Variants in INTS15 observed in about 807,000 individuals in gnomAD.
INTS15 encodes uncharacterized protein C7orf26.
chr7:6,595,112 G>A, the INTS15 span, among the ~76,000 whole-genome samples: 2 of 151,960 alleles, frequency 1.3e-5, no homozygotes, highest in Non-Finnish European at 2.9e-5. Flanking sequence ...GCTCACTGCA[G>A]TCTCTGCCCC....
chr7:6,596,887 G>T, the INTS15 span, among the ~76,000 whole-genome samples: 1 of 151,594 alleles, frequency 6.6e-6, no homozygotes, highest in African/African-American at 2.4e-5. Context: ...AGATTCAAGC[G>T]ATTCTCCTGC....
the INTS15 span, among the ~76,000 whole-genome samples, chr7:6,593,162 A>G: frequency 3.3e-5 from 5 of 152,172 alleles, no homozygotes; most frequent in South Asian, 6.2e-4. Context: ...GAGATAGTGA[A>G]CTGTCTTCGG....
chr7:6,591,772 G>A, the INTS15 span: 5 of 1,614,106 alleles, frequency 3.1e-6, no homozygotes, highest in Non-Finnish European at 3.4e-6. Context: ...GAACAAAGCC[G>A]ATGACAGCCG....
chr7:6,593,556 G>A, the INTS15 span, among the ~76,000 whole-genome samples: 15 of 151,486 alleles, frequency 9.9e-5, no homozygotes, highest in Non-Finnish European at 1.8e-4. Context: ...GGATGGTCTC[G>A]ATCTCCTGAC....
chr7:6,600,282 T>G, the INTS15 span: 1 of 1,614,200 alleles, frequency 6.2e-7, no homozygotes, highest in South Asian at 1.1e-5. Flanking sequence ...TCCCAGGAGA[T>G]TGAGCTCTCG....
chr7:6,607,465 A>C, the INTS15 span: 31 of 1,172,292 alleles, frequency 2.6e-5, 1 homozygote, highest in African/African-American at 4.0e-4. The surrounding 1 kb of genome is among the most constrained non-coding windows in gnomAD (Gnocchi z 6.0). Context: ...TGGGTCCCGG[A>C]GGTCTGTAAC....
At chr7:6,605,599 G>A in the INTS15 span, among the ~76,000 whole-genome samples, 5 of 152,274 alleles carry the variant, frequency 3.3e-5, no homozygotes, top group Non-Finnish European at 5.9e-5. Context: ...GCTGGTGGCC[G>A]CCTCTCCTGA....
At chr7:6,597,417 C>T in the INTS15 span, among the ~76,000 whole-genome samples, 3 of 152,018 alleles carry the variant, frequency 2.0e-5, no homozygotes, top group Admixed American at 2.0e-4. Context: ...GCTTCAGCCT[C>T]CTGAGTAGCT....
the INTS15 span, chr7:6,607,669 G>C: frequency 1.3e-6 from 2 of 1,510,742 alleles, no homozygotes; most frequent in African/African-American, 1.4e-5. The surrounding 1 kb of genome is among the most constrained non-coding windows in gnomAD (Gnocchi z 6.0). Context: ...GCAGCAGAGA[G>C]CCGCAGAGGC....
chr7:6,600,414 G>T, the INTS15 span: 1 of 1,509,288 alleles, frequency 6.6e-7, no homozygotes, highest in South Asian at 1.2e-5. Context: ...CCTGCAGAAG[G>T]AAGGAGGGGC....
the INTS15 span, chr7:6,591,811 A>G: frequency 1.2e-6 from 2 of 1,614,092 alleles, no homozygotes; most frequent in Admixed American, 3.3e-5. Flanking sequence ...ACTGGTCTCC[A>G]TGGCGGTGGC....
the INTS15 span, chr7:6,608,411 A>T: frequency 7.3e-7 from 1 of 1,375,332 alleles, no homozygotes; most frequent in South Asian, 1.5e-5. Context: ...AAAGATGCCG[A>T]TCCTGGGAGC....
chr7:6,598,835 G>C, the INTS15 span, among the ~76,000 whole-genome samples: 37 of 140,124 alleles, frequency 2.6e-4, no homozygotes, highest in East Asian at 5.5e-3. Flanking sequence ...TGCTCAGGCT[G>C]TTGTACAGTG....
the INTS15 span, among the ~76,000 whole-genome samples, chr7:6,598,789 T>TGTGTGTG: frequency 9.7e-5 from 4 of 41,150 alleles, no homozygotes; most frequent in African/African-American, 1.0e-4. Flanking sequence ...GTGTGTGTAT[T>TGTGTGTG]TTTTTTTTTT....
chr7:6,591,597 G>C, the INTS15 span: 11 of 1,527,822 alleles, frequency 7.2e-6, no homozygotes, highest in Admixed American at 5.0e-5. Context: ...GAGTTAATAA[G>C]TACGTTACAG....
the INTS15 span, among the ~76,000 whole-genome samples, chr7:6,593,155 A>G: frequency 6.6e-6 from 1 of 152,178 alleles, no homozygotes; most frequent in Non-Finnish European, 1.5e-5. Flanking sequence ...AGAGGGCGAG[A>G]TAGTGAACTG....
the INTS15 span, chr7:6,594,586 A>G: frequency 8.1e-6 from 13 of 1,613,960 alleles, no homozygotes; most frequent in East Asian, 8.9e-5. Flanking sequence ...ACCGCGCTCT[A>G]TGACCTGTCA....
chr7:6,608,619 C>CA, the INTS15 span: 1 of 713,052 alleles, frequency 1.4e-6, no homozygotes, highest in Non-Finnish European at 1.7e-6. Flanking sequence ...CAGCACTGCT[C>CA]AGGGAGGCTG....
At chr7:6,600,163 G>A in the INTS15 span, 11 of 1,614,120 alleles carry the variant, frequency 6.8e-6, no homozygotes, top group African/African-American at 1.3e-5. Flanking sequence ...AGCTGCACCT[G>A]ACCGAGAAGA....
Sources: allele counts gnomAD v4.1 joint callset (sites outside exome capture counted in the v4.1 genomes callset), GRCh38; gene constraint gnomAD v4.1.1; non-coding constraint Gnocchi (gnomAD v3.1); transcripts MANE v1.5; gene names NCBI Gene and HGNC (gene_info 2026-07-23, HGNC 2026-07-21).